CPED1: variants seen among roughly 807,000 people sequenced by gnomAD.
The protein encoded by CPED1 is cadherin-like and PC-esterase domain-containing protein 1.
Under a neutral mutation model 128.2 loss-of-function variants are expected in CPED1, and 114 were observed. That is an observed-to-expected ratio of 0.89 (90% CI 0.76 to 1.04). The LOEUF (loss-of-function observed/expected upper bound fraction) is 1.04, where lower values mean the gene tolerates loss of function less well. CPED1 is among the 50% of genes least tolerant of loss of function. The pLI is 0.00. For missense variants in CPED1, 1,211 were observed against 1,207.1 expected (o/e 1.00, Z -0.05); for synonymous variants, 462 against 426.7 (o/e 1.08, Z -1.02).
At chr7:121,277,781 A>G (rs1199940914) in intron 22 of CPED1, among the ~76,000 whole-genome samples, 2 of 152,128 alleles carry the variant, frequency 1.3e-5, no homozygotes, top group Non-Finnish European at 1.5e-5. Context: ...ATCCAGAGAA[A>G]GTGAGTAGAG....
In CPED1 at chr7:121,266,823, C is replaced by T. The variant is rs1206871074; in HGVS notation, c.2633+15C>T. 1.3e-6 allele frequency: 2 copies of T among 1,554,992 alleles called. No homozygotes were observed. Among genetic ancestry groups the T allele is most frequent in the East Asian group, 2.2e-5 (1 of 44,520 alleles). On this transcript the variant is annotated intron_variant, in intron 20 of 22. Transcript: ENST00000310396. ...GTTTTGAAGAGGTAAATGTCTGCAA[C>T]AATAATTGTCATTAGTATTCTAAGT...
At chr7:121,247,999 T>C (rs1952885795) in intron 18 of CPED1, among the ~76,000 whole-genome samples, 1 of 152,200 alleles carries the variant, frequency 6.6e-6, no homozygotes, top group African/African-American at 2.4e-5. Flanking sequence ...CACAGCTGGA[T>C]GCTTTGCTCC....
intron 16 of CPED1, among the ~76,000 whole-genome samples, chr7:121,145,293 C>T (rs917017834): frequency 1.3e-5 from 2 of 151,892 alleles, no homozygotes; most frequent in African/African-American, 4.8e-5. Context: ...ATGCCATTAC[C>T]TTAAAGAATA....
At chr7:121,083,182 A>G (rs1794335149) in intron 5 of CPED1, among the ~76,000 whole-genome samples, 1 of 152,108 alleles carries the variant, frequency 6.6e-6, no homozygotes, top group Non-Finnish European at 1.5e-5. Context: ...CTCCAGACTC[A>G]GCTCTGCAAA....
chr7:121,129,970 C>T (rs1795621819), intron 11 of CPED1, among the ~76,000 whole-genome samples, 155 bp from the exon 12 acceptor site: 1 of 151,664 alleles, frequency 6.6e-6, no homozygotes, highest in African/African-American at 2.4e-5. Context: ...GCATTTACAT[C>T]AACAACTTTG....
chr7:121,273,844 A>AGAC (rs2116759883), intron 22 of CPED1, among the ~76,000 whole-genome samples: 1 of 152,252 alleles, frequency 6.6e-6, no homozygotes, highest in South Asian at 2.1e-4. Context: ...GCAAAAGTCA[A>AGAC]GACTTAGAAA....
chr7:121,240,191 A>G (rs1798357988), intron 17 of CPED1, among the ~76,000 whole-genome samples: 1 of 152,210 alleles, frequency 6.6e-6, no homozygotes, highest in Non-Finnish European at 1.5e-5. Flanking sequence ...TTTCATGTCC[A>G]CAAACTAATT....
intron 18 of CPED1, among the ~76,000 whole-genome samples, chr7:121,249,833 G>A (rs1407063905): frequency 6.6e-6 from 1 of 152,124 alleles, no homozygotes; most frequent in Non-Finnish European, 1.5e-5. Flanking sequence ...AGTCCTTAGT[G>A]ACCTATAAAG....
At chr7:121,108,155 G>A (rs1795023303) in intron 7 of CPED1, among the ~76,000 whole-genome samples, 1 of 151,986 alleles carries the variant, frequency 6.6e-6, no homozygotes, top group Non-Finnish European at 1.5e-5. Flanking sequence ...GCTGTCCAAT[G>A]GCAAGAGGAA....
At position 121,295,564 on chromosome 7, in the gene CPED1, G is replaced by A. The variant is rs778673545; in HGVS notation, c.2993G>A (p.Arg998Gln). The A allele has an allele frequency of 4.3e-6, 7 of 1,614,014 alleles. No homozygotes were observed. Among genetic ancestry groups the A allele is most frequent in the East Asian group, 2.2e-5 (1 of 44,878 alleles). Reference sequence around the variant, plus strand: ...CAACAAGGCACTGTAACAAATTTTCGATCGCCATATCATGTCAGAGGTCCA... The same window carrying A: ...CAACAAGGCACTGTAACAAATTTTCAATCGCCATATCATGTCAGAGGTCCA... ...KLQQGTVTNF[R>Q]SPYHVRGPIN... Residue 998 changes from arginine (R) to glutamine (Q), a missense_variant, in exon 23 of 23, where the codon CGA becomes CAA. Coordinates refer to ENST00000310396, the MANE Select transcript of CPED1 (RefSeq NM_024913.5).
intron 7 of CPED1, among the ~76,000 whole-genome samples, chr7:121,123,342 CCTT>C (rs1453482600): frequency 1.3e-5 from 2 of 152,068 alleles, no homozygotes; most frequent in Non-Finnish European, 2.9e-5. Context: ...CAATATTTGT[CCTT>C]CTTTATCATA....
At chr7:121,135,347 G>T (rs1286813566) in intron 13 of CPED1, among the ~76,000 whole-genome samples, 1 of 151,970 alleles carries the variant, frequency 6.6e-6, no homozygotes, top group African/African-American at 2.4e-5. Context: ...CAATACAGTG[G>T]TTTTCAATGT....
At chr7:121,290,537 T>C (rs1246196245) in intron 22 of CPED1, among the ~76,000 whole-genome samples, 1 of 152,238 alleles carries the variant, frequency 6.6e-6, no homozygotes, top group Non-Finnish European at 1.5e-5. Flanking sequence ...TGGTTTTGAT[T>C]TGCATTTCTC....
chr7:121,162,504 G>A (rs1430884143), intron 16 of CPED1, among the ~76,000 whole-genome samples: 1 of 152,206 alleles, frequency 6.6e-6, no homozygotes, highest in Non-Finnish European at 1.5e-5. Flanking sequence ...TAATGTGTGT[G>A]TGGGAGGAAG....
At position 121,222,570 on chromosome 7, in the gene CPED1, A is replaced by G. The variant is rs533504161; in HGVS notation, c.2056-14144A>G. ...CAGTATGGCCATTTTCACTATATTGATTCTTCTTATCCATGAGCATGAAAT... is the reference window on the plus strand; with the variant it reads ...CAGTATGGCCATTTTCACTATATTGGTTCTTCTTATCCATGAGCATGAAAT... On this transcript the variant is annotated intron_variant, in intron 16 of 22. Transcript: ENST00000310396. Among the ~76,000 whole-genome samples the G allele has an allele frequency of 4.7e-4, 71 of 152,130 alleles. No homozygotes were observed. The East Asian group carries it at 7.7e-3, about 17-fold the overall frequency.
At chr7:121,013,606 T>C (rs1442485417) in intron 2 of CPED1, among the ~76,000 whole-genome samples, 2 of 152,236 alleles carry the variant, frequency 1.3e-5, no homozygotes, top group African/African-American at 2.4e-5. Context: ...GTATTAACTG[T>C]CTAATCTTCA....
intron 22 of CPED1, among the ~76,000 whole-genome samples, chr7:121,271,947 T>TG (rs985487756): frequency 6.6e-6 from 1 of 152,130 alleles, no homozygotes; most frequent in Non-Finnish European, 1.5e-5. Flanking sequence ...GCTGATAAGG[T>TG]GATAGCCTAA....
chr7:121,260,466 C>T (rs1791990446), intron 18 of CPED1, among the ~76,000 whole-genome samples: 3 of 151,998 alleles, frequency 2.0e-5, no homozygotes, highest in Middle Eastern at 6.8e-3. Context: ...CCAGTCTCAG[C>T]TTCATATTAC....
intron 11 of CPED1, among the ~76,000 whole-genome samples, chr7:121,129,307 A>ACG (rs1187388524): frequency 0.24 from 1,443 of 5,934 alleles, 77 homozygotes; most frequent in Admixed American, 0.31. Flanking sequence ...ATATATATAT[A>ACG]TATACGTATA....
Sources: gnomAD v4.1 joint callset for allele counts (sites outside exome capture counted in the v4.1 genomes callset) on GRCh38, gnomAD v4.1.1 for gene constraint, MANE v1.5 for transcripts, NCBI Gene and HGNC (gene_info 2026-07-23, HGNC 2026-07-21) for gene names.